STK32B: variants seen among roughly 807,000 people sequenced by gnomAD.
The protein encoded by STK32B is serine/threonine kinase 32B.
Under a neutral mutation model 52.6 loss-of-function variants are expected in STK32B, and 43 were observed. The ratio of observed to expected loss-of-function variants is 0.82; its 90% CI spans 0.64 to 1.05. The LOEUF (loss-of-function observed/expected upper bound fraction) is 1.05, where lower values mean the gene tolerates loss of function less well. Ranked by LOEUF, STK32B falls within the 50% of genes least tolerant of loss-of-function variation. The pLI is 0.00. For synonymous variants in STK32B, 238 were observed against 204.3 expected (o/e 1.17, Z -1.41); for missense variants, 621 against 534.6 (o/e 1.16, Z -1.59).
At chr4:5,278,144 G>T (rs1446018997) in intron 3 of STK32B, among the ~76,000 whole-genome samples, 1 of 152,210 alleles carries the variant, frequency 6.6e-6, no homozygotes, top group Non-Finnish European at 1.5e-5. Context: ...TTGACTTCTG[G>T]CAAGGTGATG....
chr4:5,231,555 T>C (rs1305017300), intron 3 of STK32B, among the ~76,000 whole-genome samples: 2 of 152,158 alleles, frequency 1.3e-5, no homozygotes, highest in African/African-American at 4.8e-5. Context: ...GAGGTTGCAG[T>C]GAGCCGAGAT....
At chr4:5,120,741 C>T (rs1186273520) in intron 1 of STK32B, among the ~76,000 whole-genome samples, 3 of 151,816 alleles carry the variant, frequency 2.0e-5, no homozygotes, top group South Asian at 4.2e-4. Context: ...GCCTGATGAC[C>T]GATTGAAAAG....
At chr4:5,200,552 G>A (rs1722060839) in intron 3 of STK32B, among the ~76,000 whole-genome samples, 1 of 152,146 alleles carries the variant, frequency 6.6e-6, no homozygotes, top group African/African-American at 2.4e-5. Context: ...CGGCAGATGG[G>A]AGGGAGAGCA....
intron 3 of STK32B, among the ~76,000 whole-genome samples, chr4:5,173,442 G>C (rs1283555206): frequency 2.6e-5 from 4 of 151,968 alleles, no homozygotes; most frequent in South Asian, 2.1e-4. Flanking sequence ...TGGGCATTTA[G>C]TGCTATAAAT....
intron 3 of STK32B, among the ~76,000 whole-genome samples, chr4:5,207,417 C>T (rs1444304024): frequency 1.3e-5 from 2 of 152,106 alleles, no homozygotes; most frequent in Admixed American, 6.5e-5. Flanking sequence ...TTCCCTTGCA[C>T]GTGCTCTCTT....
intron 3 of STK32B, among the ~76,000 whole-genome samples, chr4:5,225,270 T>C (rs1440633115): frequency 2.6e-5 from 4 of 151,878 alleles, no homozygotes; most frequent in African/African-American, 4.8e-5. Flanking sequence ...ATTAAAAAAA[T>C]TAGCCAGCTG....
intron 1 of STK32B, among the ~76,000 whole-genome samples, chr4:5,111,002 A>G (rs770453042): frequency 7.2e-5 from 11 of 152,268 alleles, no homozygotes; most frequent in Middle Eastern, 3.4e-3. Flanking sequence ...GCTTCCACAA[A>G]CACATAAAAA....
chr4:5,331,169 G>A (rs773101425), intron 3 of STK32B, 51 bp from the exon 4 acceptor site: 3 of 1,535,994 alleles, frequency 2.0e-6, no homozygotes, highest in Non-Finnish European at 2.6e-6. Flanking sequence ...GGTCTTGAGG[G>A]TGCTGAAGGT....
intron 1 of STK32B, among the ~76,000 whole-genome samples, chr4:5,070,191 G>A (rs1259474559): frequency 6.6e-6 from 1 of 152,114 alleles, no homozygotes; most frequent in Non-Finnish European, 1.5e-5. Context: ...AGCTTCTTTG[G>A]CTGAACCCTC....
At chr4:5,282,987 G>C (rs9999971) in intron 3 of STK32B, among the ~76,000 whole-genome samples, 1 of 152,094 alleles carries the variant, frequency 6.6e-6, no homozygotes, top group African/African-American at 2.4e-5. Context: ...ATGATTTACT[G>C]TAGTGCCCTG....
chr4:5,277,666 C>A (rs1373989667), intron 3 of STK32B, among the ~76,000 whole-genome samples: 1 of 152,208 alleles, frequency 6.6e-6, no homozygotes, highest in African/African-American at 2.4e-5. Flanking sequence ...AGCTGCACTT[C>A]ATCATTTATA....
At position 5,443,209 on chromosome 4, in the gene STK32B, T is replaced by G. The variant is rs914764210; in HGVS notation, c.563-3464T>G. ...ATATCCTGCAGAGTGTTTTCCAACT[T>G]GGTTCCATTCTCCCCATCACTTTCA... On this transcript the variant is annotated intron_variant, in intron 6 of 11. Coordinates refer to ENST00000282908, the MANE Select transcript of STK32B (RefSeq NM_018401.3). Among the ~76,000 whole-genome samples the G allele has an allele frequency of 3.4e-5, 5 of 148,060 alleles. No individual in the cohort carries two copies. The South Asian group carries it at 9.2e-4, about 27-fold the overall frequency.
chr4:5,246,408 T>C (rs1725454771), intron 3 of STK32B, among the ~76,000 whole-genome samples: 1 of 152,244 alleles, frequency 6.6e-6, no homozygotes, highest in African/African-American at 2.4e-5. Flanking sequence ...TCTTGTGCCT[T>C]GGTTTTCAGC....
chr4:5,377,346 C>T (rs1577415558), intron 4 of STK32B, among the ~76,000 whole-genome samples: 1 of 152,290 alleles, frequency 6.6e-6, no homozygotes, highest in East Asian at 1.9e-4. Flanking sequence ...CATTGTGTTC[C>T]AGGCTGGCAG....
chr4:5,356,554 T>C (rs1048762033), intron 4 of STK32B, among the ~76,000 whole-genome samples: 1 of 152,166 alleles, frequency 6.6e-6, no homozygotes, highest in Non-Finnish European at 1.5e-5. Context: ...TGAGCCTTGT[T>C]ATGCGCTACA....
At chr4:5,426,721 G>GA (rs1227067342) in intron 6 of STK32B, among the ~76,000 whole-genome samples, 3 of 115,728 alleles carry the variant, frequency 2.6e-5, no homozygotes, top group Non-Finnish European at 1.8e-5. Flanking sequence ...AAAAGGAAAA[G>GA]AAAAAAACAC....
chr4:5,188,881 G>A (rs1380055567), intron 3 of STK32B, among the ~76,000 whole-genome samples: 1 of 151,008 alleles, frequency 6.6e-6, no homozygotes, highest in Non-Finnish European at 1.5e-5. Flanking sequence ...GGGGCTGGGG[G>A]AGGAATAGCG....
At position 5,411,573 on chromosome 4, in the gene STK32B, G is replaced by A. The variant is rs140710844; in HGVS notation, c.473-5272G>A. Among the ~76,000 whole-genome samples, 229 of 152,292 alleles carry A rather than the reference G, an allele frequency of 1.5e-3. 1 individual carries two copies. Among genetic ancestry groups the A allele is most frequent in the African/African-American group, 5.3e-3 (221 of 41,546 alleles). On this transcript the variant is annotated intron_variant, in intron 5 of 11. Coordinates refer to ENST00000282908, the MANE Select transcript of STK32B (RefSeq NM_018401.3). ...ATTTAAAGTGTGTGGGAGGTTGTATGCAGGTTAAATGAAGTACTAAGACAT... is the reference window on the plus strand; with the variant it reads ...ATTTAAAGTGTGTGGGAGGTTGTATACAGGTTAAATGAAGTACTAAGACAT...
chr4:5,329,819 TTG>T (rs1486227263), intron 3 of STK32B, among the ~76,000 whole-genome samples: 1 of 152,204 alleles, frequency 6.6e-6, no homozygotes, highest in Non-Finnish European at 1.5e-5. Context: ...AGGATATGAC[TTG>T]TGTCCAGCCA....
Sources: gnomAD v4.1 joint callset for allele counts (sites outside exome capture counted in the v4.1 genomes callset) on GRCh38, gnomAD v4.1.1 for gene constraint, MANE v1.5 for transcripts, NCBI Gene and HGNC (gene_info 2026-07-23, HGNC 2026-07-21) for gene names.